The following ANKMY1 variants were observed in gnomAD, a reference collection of about 807,000 sequenced individuals.
The protein encoded by ANKMY1 is ankyrin repeat and MYND domain-containing protein 1.
In ANKMY1, 98 loss-of-function variants were observed where a neutral mutation model predicts 102.0. That is an observed-to-expected ratio of 0.96 (90% CI 0.82 to 1.14). ANKMY1 has a LOEUF of 1.14. Ranked by LOEUF, ANKMY1 falls within the 50% of genes most tolerant of loss-of-function variation. The pLI, the probability that ANKMY1 is intolerant of heterozygous loss-of-function variation, is 0.00. For missense variants in ANKMY1, 1,330 were observed against 1,347.6 expected (o/e 0.99, Z 0.20); for synonymous variants, 582 against 559.9 (o/e 1.04, Z -0.56).
Position 240,520,078 on chromosome 2 carries a change from C to G in ANKMY1, c.2004+284G>C. 2 of 626,060 alleles carry G rather than the reference C, an allele frequency of 3.2e-6. No homozygotes were observed. Among genetic ancestry groups the G allele is most frequent in the Non-Finnish European group, 6.1e-6 (2 of 327,288 alleles). The allele number at this position is 626,060 out of a possible 1,614,324, so 38.8% of individuals were successfully genotyped here. A position where few individuals can be genotyped will look rare whatever the true frequency, so the allele number is the denominator to read the frequency against. ...AAGTCTCCCCTTTCCAAGGGGCCTT[C>G]AGGATGCGCTTCCCCTTAGTTTGCT... On this transcript the variant is annotated intron_variant, in intron 9 of 17. Coordinates refer to ENST00000401804, the MANE Select transcript of ANKMY1 (RefSeq NM_001282771.3). This position sits in a 1 kb window ranked among gnomAD's most constrained non-coding sequence, Gnocchi z 4.8.
At chr2:240,560,898 G>A (rs1338600974), upstream of ANKMY1, 22 of 1,521,902 alleles carry the variant, frequency 1.4e-5, no homozygotes, top group Non-Finnish European at 1.7e-5. Context: ...GCCCGTGTTC[G>A]ACGACCCGGC....
At chr2:240,525,488 G>T (rs2083174015) in intron 7 of ANKMY1, among the ~76,000 whole-genome samples, 197 bp downstream of exon 7, 1 of 152,214 alleles carries the variant, frequency 6.6e-6, no homozygotes, top group Non-Finnish European at 1.5e-5. Context: ...GATGAGTAAA[G>T]AACACACATA....
intron 4 of ANKMY1, among the ~76,000 whole-genome samples, chr2:240,545,869 CA>C (rs1442262169): frequency 3.3e-5 from 5 of 152,120 alleles, no homozygotes; most frequent in Admixed American, 6.5e-5. Context: ...GTGAAAAGAC[CA>C]AATCTACGTC....
rs376918674 is a variant in ANKMY1, at chr2:240,526,418, G to C, written c.981C>G (p.Asn327Lys). ...GCTTCCCCTCCAGGATGGCGCCCATGTTCCAGCTGGTGTGAGCTGGCTTGT... is the reference window on the plus strand; with the variant it reads ...GCTTCCCCTCCAGGATGGCGCCCATCTTCCAGCTGGTGTGAGCTGGCTTGT... ...FRNKPAHTSW[N>K]MGAILEGKRS... The change falls in exon 6 of 18, where the codon AAC becomes AAG. Residue 327 changes from asparagine to lysine, a missense_variant. Transcript: ENST00000401804. The C allele has an allele frequency of 6.8e-5, 110 of 1,614,062 alleles. No individual in the cohort carries two copies. The highest frequency in any genetic ancestry group is 8.9e-5 in the Non-Finnish European group (105 of 1,180,044).
rs190888065 is a variant in ANKMY1 at position 240,500,406 on chromosome 2, G to A, written c.2640+46C>T. Reference sequence around the variant, plus strand: ...AATGCCCCAGCCGGGGGCCCTGCACGTGACCCACACTCCCCCTCCTTCCTC... The same window carrying A: ...AATGCCCCAGCCGGGGGCCCTGCACATGACCCACACTCCCCCTCCTTCCTC... On this transcript the variant is annotated intron_variant, in intron 14 of 17. Coordinates refer to ENST00000401804, the MANE Select transcript of ANKMY1 (RefSeq NM_001282771.3). The A allele has an allele frequency of 6.4e-4, 1,010 of 1,569,672 alleles. 8 individuals carry two copies. In the African/African-American group the frequency reaches 0.012, roughly 18 times the overall value.
upstream of ANKMY1, chr2:240,560,822 G>A: frequency 2.8e-6 from 4 of 1,431,496 alleles, no homozygotes; most frequent in Non-Finnish European, 3.6e-6. Context: ...CGGGAGTCAC[G>A]CTGTGCGTCA....
chr2:240,557,643 C>G (rs1186637272), intron 1 of ANKMY1, among the ~76,000 whole-genome samples: 15 of 152,228 alleles, frequency 9.9e-5, no homozygotes, highest in Admixed American at 9.8e-4. Context: ...AGGCCAGGCC[C>G]GCACCCACTA....
chr2:240,549,861 A>C (rs1575349356), intron 4 of ANKMY1, among the ~76,000 whole-genome samples: 1 of 152,002 alleles, frequency 6.6e-6, no homozygotes, highest in East Asian at 1.9e-4. Flanking sequence ...AAAAGTCAGG[A>C]AACAACAGGT....
the ANKMY1 span, among the ~76,000 whole-genome samples, chr2:240,469,016 C>T: frequency 1.7e-4 from 26 of 152,206 alleles, no homozygotes; most frequent in African/African-American, 6.0e-4. Context: ...GTGGAGTCCT[C>T]TCCGTGGCGG....
At chr2:240,502,742 C>T (rs962023907) in intron 13 of ANKMY1, among the ~76,000 whole-genome samples, 1 of 151,756 alleles carries the variant, frequency 6.6e-6, no homozygotes, top group Non-Finnish European at 1.5e-5. Context: ...CTCCTCCAGA[C>T]CCTCCCCTCC....
At chr2:240,542,880 T>C (rs1024749587) in intron 4 of ANKMY1, among the ~76,000 whole-genome samples, 3 of 150,478 alleles carry the variant, frequency 2.0e-5, no homozygotes, top group Non-Finnish European at 1.5e-5. Flanking sequence ...AAGTAAATTA[T>C]TTAATTACTT....
At chr2:240,517,435 T>C (rs2081379876) in intron 9 of ANKMY1, among the ~76,000 whole-genome samples, 1 of 152,208 alleles carries the variant, frequency 6.6e-6, no homozygotes, top group Non-Finnish European at 1.5e-5. Context: ...ATCCTTGGCT[T>C]GGCCTGAGAG....
At chr2:240,555,241 G>A (rs2092175106) in intron 2 of ANKMY1, 186 bp from the exon 3 acceptor site, 1 of 630,176 alleles carries the variant, frequency 1.6e-6, no homozygotes, top group African/African-American at 1.8e-5. Flanking sequence ...GATTGCCCAA[G>A]GCCACACAGG....
the ANKMY1 span, among the ~76,000 whole-genome samples, chr2:240,470,383 A>G: frequency 3.3e-5 from 5 of 152,242 alleles, no homozygotes; most frequent in Admixed American, 2.0e-4. Context: ...CTGAGGGGAA[A>G]GCACACAGGC....
rs149031691 is a variant in ANKMY1, at chr2:240,500,032, C to T, written c.2732G>A (p.Gly911Asp). 6.2e-6 allele frequency: 10 copies of T among 1,612,950 alleles called. No homozygotes were observed. In the African/African-American group the frequency reaches 1.1e-4, roughly 17 times the overall value. Residue 911 changes from glycine to aspartate, a missense_variant, in exon 15 of 18, where the codon GGC becomes GAC. Physicochemically the swap from Gly to Asp is moderately conservative, Grantham distance 94. Coordinates refer to ENST00000401804, the MANE Select transcript of ANKMY1 (RefSeq NM_001282771.3). ...LARKRLLEYM[G>D]LQLRQAVFAK... is the part of the protein sequence containing the mutation. ...AAAGACAGCCTGCCGTAGCTGCAAG[C>T]CCATGTACTCCAGGAGCCGCTTCCG...
At position 240,526,700 on chromosome 2, in the gene ANKMY1, GC is replaced by G. The variant is rs1475816632; in HGVS notation, c.954-256del. 7 of 1,396,336 alleles carry G rather than the reference GC, an allele frequency of 5.0e-6. No homozygotes were observed. In the African/African-American group the frequency reaches 1.0e-4, roughly 20 times the overall value. 86.5% of individuals were successfully genotyped at this position (1,396,336 alleles called of 1,614,324 possible). On this transcript the variant is annotated intron_variant, in intron 5 of 17. Coordinates refer to ENST00000401804, the MANE Select transcript of ANKMY1 (RefSeq NM_001282771.3). ...TATATGTCTGTCCCGACAGGAATGT[GC>G]TGGCTGCGAGTACATCCATGCATCT...
intron 9 of ANKMY1, among the ~76,000 whole-genome samples, chr2:240,518,929 C>T (rs1019516921): frequency 1.3e-5 from 2 of 152,234 alleles, no homozygotes; most frequent in African/African-American, 4.8e-5. Context: ...TGAGACCCGC[C>T]TGCCCTCAAA....
intron 16 of ANKMY1, 117 bp from the exon 17 acceptor site, chr2:240,481,214 G>A (rs1012953025): frequency 2.7e-5 from 36 of 1,314,252 alleles, no homozygotes; most frequent in Admixed American, 4.8e-5. Context: ...CCACCGTCCC[G>A]CACTGTCCCC....
intron 13 of ANKMY1, among the ~76,000 whole-genome samples, chr2:240,502,732 C>A (rs1264855673): frequency 6.6e-6 from 1 of 151,960 alleles, no homozygotes; most frequent in African/African-American, 2.4e-5. Flanking sequence ...CACCAACGCT[C>A]TCCTCCAGAC....
Sources: allele counts gnomAD v4.1 joint callset (sites outside exome capture counted in the v4.1 genomes callset), GRCh38; gene constraint gnomAD v4.1.1; non-coding constraint Gnocchi (gnomAD v3.1); transcripts MANE v1.5; gene names NCBI Gene and HGNC (gene_info 2026-07-23, HGNC 2026-07-21).